UBAP1: variants seen among roughly 807,000 people sequenced by gnomAD.
UBAP1 encodes ubiquitin-associated protein 1.
A neutral mutation model predicts 39.0 loss-of-function variants in UBAP1; 5 were observed. That is an observed-to-expected ratio of 0.13 (90% CI 0.07 to 0.27). UBAP1 has a LOEUF of 0.27. Among genes scored for constraint, UBAP1 ranks in the 10% least tolerant of loss-of-function variants. The probability of loss-of-function intolerance (pLI) is 1.00; values close to 1 mark genes in which losing one functional copy is unlikely to be tolerated. For missense variants in UBAP1, 490 were observed against 608.1 expected (o/e 0.81, Z 2.04); for synonymous variants, 211 against 225.1 (o/e 0.94, Z 0.56).
At chr9:34,195,642 G>A (rs896934311) in intron 1 of UBAP1, among the ~76,000 whole-genome samples, 3 of 151,148 alleles carry the variant, frequency 2.0e-5, no homozygotes, top group African/African-American at 7.3e-5. Flanking sequence ...TTGTTGCCCA[G>A]GCTGGAGTGC....
intron 2 of UBAP1, among the ~76,000 whole-genome samples, chr9:34,227,003 C>T (rs1036438361): frequency 5.9e-5 from 9 of 152,084 alleles, no homozygotes; most frequent in Non-Finnish European, 1.3e-4. Flanking sequence ...TTAAAGCTCC[C>T]TGTCTGATGT....
chr9:34,184,905 C>T (rs888904477), intron 1 of UBAP1, among the ~76,000 whole-genome samples: 30 of 141,614 alleles, frequency 2.1e-4, no homozygotes, highest in East Asian at 4.4e-4. Context: ...TACAGGCGTG[C>T]GCCACCGCGC....
chr9:34,229,471 T>G (rs1833294388), intron 2 of UBAP1, among the ~76,000 whole-genome samples: 1 of 151,772 alleles, frequency 6.6e-6, no homozygotes, highest in South Asian at 2.1e-4. Context: ...TTGGCCAGGA[T>G]GGTCTTGATC....
chr9:34,192,199 G>T (rs942117030), intron 1 of UBAP1, among the ~76,000 whole-genome samples: 2 of 151,558 alleles, frequency 1.3e-5, no homozygotes, highest in East Asian at 3.9e-4. Flanking sequence ...TGTAATGGCA[G>T]AACTGTGGAC....
At chr9:34,212,486 A>G (rs191895466) in intron 1 of UBAP1, among the ~76,000 whole-genome samples, 2 of 151,826 alleles carry the variant, frequency 1.3e-5, no homozygotes, top group African/African-American at 2.4e-5. Context: ...TTTTAGTTCC[A>G]TGTCTACTCC....
At chr9:34,203,387 G>T (rs1831508856) in intron 1 of UBAP1, among the ~76,000 whole-genome samples, 1 of 152,052 alleles carries the variant, frequency 6.6e-6, no homozygotes, top group African/African-American at 2.4e-5. Flanking sequence ...TCAGTTTTTG[G>T]TATCAGTGTT....
intron 3 of UBAP1, among the ~76,000 whole-genome samples, chr9:34,236,670 A>G (rs1833716136): frequency 1.3e-5 from 2 of 151,894 alleles, no homozygotes; most frequent in South Asian, 4.2e-4. Flanking sequence ...TGTGTCTCAC[A>G]TTGCAGTTCA....
At chr9:34,193,860 T>A (rs1830870826) in intron 1 of UBAP1, among the ~76,000 whole-genome samples, 1 of 152,134 alleles carries the variant, frequency 6.6e-6, no homozygotes, top group South Asian at 2.1e-4. Context: ...ATGCCTTCTC[T>A]CAGGGTATAG....
At chr9:34,220,152 G>C (rs1275176639) in intron 1 of UBAP1, among the ~76,000 whole-genome samples, 1 of 30,348 alleles carries the variant, frequency 3.3e-5, no homozygotes, top group African/African-American at 1.6e-4. Flanking sequence ...TTCCTCTCCT[G>C]CCCTCTCCTC....
chr9:34,209,946 T>C (rs1831925071), intron 1 of UBAP1, among the ~76,000 whole-genome samples: 1 of 152,202 alleles, frequency 6.6e-6, no homozygotes, highest in Non-Finnish European at 1.5e-5. Flanking sequence ...TATCTTATCC[T>C]TATTTGTTTC....
chr9:34,215,310 T>C (rs549755424), intron 1 of UBAP1, among the ~76,000 whole-genome samples: 3 of 151,288 alleles, frequency 2.0e-5, no homozygotes, highest in Admixed American at 6.6e-5. Flanking sequence ...TATATAAGTA[T>C]GTATATATGT....
intron 3 of UBAP1, among the ~76,000 whole-genome samples, chr9:34,238,963 C>T (rs1303838386): frequency 2.0e-5 from 3 of 152,338 alleles, no homozygotes; most frequent in Middle Eastern, 3.4e-3. Flanking sequence ...GTGCTCATAG[C>T]ACCCACTGAT....
chr9:34,195,390 T>C lies in UBAP1; in HGVS notation c.-8+16150T>C, dbSNP rs539325892. Among the ~76,000 whole-genome samples the C allele has an allele frequency of 3.7e-4, 57 of 152,274 alleles. 1 individual carries two copies. Among genetic ancestry groups the C allele is most frequent in the African/African-American group, 1.2e-3 (49 of 41,574 alleles). On this transcript the variant is annotated intron_variant, in intron 1 of 6. Coordinates refer to ENST00000297661, the MANE Select transcript of UBAP1 (RefSeq NM_016525.5). ...GATTTTTTTTGTTTGCACATAGATA[T>C]CTATTTTAGCACTTTTTGTTGAAAA...
chr9:34,229,024 C>G (rs528960914), intron 2 of UBAP1, among the ~76,000 whole-genome samples: 1 of 152,070 alleles, frequency 6.6e-6, no homozygotes, highest in Non-Finnish European at 1.5e-5. Context: ...CTAAATAAAT[C>G]ACCTTGGCAT....
intron 4 of UBAP1, among the ~76,000 whole-genome samples, chr9:34,247,259 T>C (rs773043746): frequency 2.6e-5 from 4 of 152,196 alleles, no homozygotes; most frequent in Admixed American, 6.5e-5. Flanking sequence ...GAAACATTTA[T>C]ATGAAGGTGA....
At chr9:34,231,116 T>C in intron 2 of UBAP1, among the ~76,000 whole-genome samples, 1 of 142,442 alleles carries the variant, frequency 7.0e-6, no homozygotes, top group Non-Finnish European at 1.5e-5. Flanking sequence ...AAATGTCTCT[T>C]TAAAAAAATT....
intron 1 of UBAP1, among the ~76,000 whole-genome samples, chr9:34,181,137 A>G (rs1252380706): frequency 3.6e-4 from 3 of 8,412 alleles, no homozygotes; most frequent in Non-Finnish European, 1.1e-3. Context: ...TTTTTTTGAG[A>G]CAGAGTTTCG....
Position 34,241,625 on chromosome 9 carries a change from G to T in UBAP1, c.600G>T (p.Leu200Phe). The change falls in exon 4 of 7, where the codon TTG becomes TTT. Residue 200 changes from leucine (L) to phenylalanine (F), a missense_variant. By Grantham distance (22) the Leu-to-Phe change is conservative (BLOSUM62 0). This residue lies in a region of UBAP1 where 339 missense variants were observed against 390.0 expected (regional missense o/e 0.87). Coordinates refer to ENST00000297661, the MANE Select transcript of UBAP1 (RefSeq NM_016525.5). The stretch of plus-strand genomic sequence containing the variant: ...TGGCTCAGTTATTGGACAATAACTT[G>T]CCCAGGGGAGGCTCTGGGTCTGTGT... ...PIMAQLLDNNLPRGGSGSVLQ... is the reference protein window; with the variant it reads ...PIMAQLLDNNFPRGGSGSVLQ... 6.2e-7 allele frequency: 1 copy of T among 1,614,040 alleles called. No individual in the cohort carries two copies. Among genetic ancestry groups the T allele is most frequent in the Non-Finnish European group, 8.5e-7 (1 of 1,179,962 alleles).
intron 4 of UBAP1, 123 bp downstream of exon 4, chr9:34,242,231 C>A: frequency 1.9e-6 from 2 of 1,067,166 alleles, no homozygotes; most frequent in Non-Finnish European, 2.7e-6. Flanking sequence ...GGCTGGAATG[C>A]AGTGGTGTGA....
Sources: allele counts gnomAD v4.1 joint callset (sites outside exome capture counted in the v4.1 genomes callset), GRCh38; gene constraint gnomAD v4.1.1; regional missense constraint gnomAD v4.1.1; transcripts MANE v1.5; gene names NCBI Gene and HGNC (gene_info 2026-07-23, HGNC 2026-07-21).